GPD2: variants seen among roughly 807,000 people sequenced by gnomAD.
GPD2 encodes the protein glycerol-3-phosphate dehydrogenase 2.
GPD2 carries 54 observed loss-of-function variants against 82.4 expected under a neutral mutation model. The ratio of observed to expected loss-of-function variants is 0.66; its 90% CI spans 0.53 to 0.82. The LOEUF is 0.82. Ranked by LOEUF, GPD2 falls within the 40% of genes least tolerant of loss-of-function variation. The pLI is 0.00. For synonymous variants in GPD2, 288 were observed against 306.1 expected (o/e 0.94, Z 0.62); for missense variants, 748 against 896.2 (o/e 0.83, Z 2.11).
chr2:156,464,159 A>T (rs533326500), intron 1 of GPD2, among the ~76,000 whole-genome samples: 1 of 152,232 alleles, frequency 6.6e-6, no homozygotes, highest in South Asian at 2.1e-4. Flanking sequence ...TGGAGTGGGG[A>T]TGGAGCATTT....
intron 13 of GPD2, among the ~76,000 whole-genome samples, chr2:156,572,029 A>G (rs373431115): frequency 2.0e-5 from 3 of 152,096 alleles, no homozygotes; most frequent in African/African-American, 7.2e-5. Context: ...TTACTCAATA[A>G]ATTTGTTAAC....
At chr2:156,480,001 G>A (rs1683664803) in intron 2 of GPD2, among the ~76,000 whole-genome samples, 1 of 152,292 alleles carries the variant, frequency 6.6e-6, no homozygotes, top group East Asian at 1.9e-4. Flanking sequence ...CTGTGGTGGT[G>A]TGGAGATTTT....
intron 13 of GPD2, among the ~76,000 whole-genome samples, chr2:156,576,466 TAAA>T (rs34280846): frequency 0.27 from 39,799 of 149,444 alleles, 5,324 homozygotes; most frequent in South Asian, 0.32. Flanking sequence ...TAAGCTGTGA[TAAA>T]AAAAAAAAAA....
intron 15 of GPD2, 128 bp downstream of exon 15, chr2:156,579,292 G>T (rs1687940890): frequency 3.2e-6 from 2 of 634,376 alleles, no homozygotes; most frequent in African/African-American, 1.9e-5. Context: ...AGTAACATTA[G>T]TGAAAGCATA....
chr2:156,451,810 G>T (rs1303413463), intron 1 of GPD2, among the ~76,000 whole-genome samples: 7 of 151,720 alleles, frequency 4.6e-5, no homozygotes, highest in Non-Finnish European at 1.0e-4. Flanking sequence ...CTTCCCAGAC[G>T]GGGTGGCTGC....
chr2:156,419,049 CTTTTTTTTTTTTTTTT>C, the GPD2 span, among the ~76,000 whole-genome samples: 1 of 77,200 alleles, frequency 1.3e-5, no homozygotes, highest in African/African-American at 4.6e-5. Context: ...TTCTTTCCTT[CTTTTTTTTTTTTTTTT>C]TTTTTTTTTT....
chr2:156,562,649 A>G (rs1178630724), intron 9 of GPD2, among the ~76,000 whole-genome samples: 1 of 152,138 alleles, frequency 6.6e-6, no homozygotes, highest in East Asian at 1.9e-4. Flanking sequence ...CTTAATTGTC[A>G]CTTCCTGTGG....
At chr2:156,553,178 G>A (rs1686829193) in intron 8 of GPD2, among the ~76,000 whole-genome samples, 1 of 151,994 alleles carries the variant, frequency 6.6e-6, no homozygotes, top group African/African-American at 2.4e-5. Flanking sequence ...GTGAGCCACT[G>A]TGCCCGGCCC....
At chr2:156,506,234 A>G (rs963950711) in intron 3 of GPD2, among the ~76,000 whole-genome samples, 5 of 152,214 alleles carry the variant, frequency 3.3e-5, no homozygotes, top group African/African-American at 9.6e-5. Context: ...GCATTTTAAT[A>G]TATCAATTTA....
At chr2:156,482,943 A>T (rs1033487992) in intron 2 of GPD2, among the ~76,000 whole-genome samples, 2 of 152,168 alleles carry the variant, frequency 1.3e-5, no homozygotes, top group African/African-American at 4.8e-5. Flanking sequence ...TGATGCATGG[A>T]TAATTAAAAT....
the GPD2 span, among the ~76,000 whole-genome samples, chr2:156,417,005 C>T: frequency 6.6e-6 from 1 of 152,146 alleles, no homozygotes; most frequent in Non-Finnish European, 1.5e-5. Flanking sequence ...CTTGGCTTTA[C>T]TCAGGCACTT....
At chr2:156,438,515 A>G (rs1373991542) in intron 1 of GPD2, among the ~76,000 whole-genome samples, 1 of 152,176 alleles carries the variant, frequency 6.6e-6, no homozygotes, top group Non-Finnish European at 1.5e-5. Flanking sequence ...TGGGGAGAGG[A>G]GAGGCGAGTT....
chr2:156,452,597 GT>G (rs1230449324), intron 1 of GPD2, among the ~76,000 whole-genome samples: 2 of 152,184 alleles, frequency 1.3e-5, no homozygotes, highest in Admixed American at 1.3e-4. Flanking sequence ...CTTTCAAGAA[GT>G]TTCATTATGA....
intron 2 of GPD2, among the ~76,000 whole-genome samples, chr2:156,478,645 CG>C (rs916175626): frequency 2.0e-5 from 3 of 151,908 alleles, no homozygotes; most frequent in East Asian, 3.9e-4. Context: ...GCCATTCTAG[CG>C]GGGGGGAATT....
intron 1 of GPD2, among the ~76,000 whole-genome samples, chr2:156,466,049 G>A (rs951412374): frequency 6.6e-6 from 1 of 152,144 alleles, no homozygotes; most frequent in Admixed American, 6.5e-5. Flanking sequence ...CAAGGGGTTG[G>A]CATTTTTGTG....
At chr2:156,461,101 A>G (rs1027581038) in intron 1 of GPD2, among the ~76,000 whole-genome samples, 4 of 150,982 alleles carry the variant, frequency 2.6e-5, no homozygotes, top group East Asian at 2.0e-4. Flanking sequence ...GCCTGTGCCT[A>G]TAGGAGTAGT....
the GPD2 span, among the ~76,000 whole-genome samples, chr2:156,401,832 G>A: frequency 2.0e-5 from 3 of 152,100 alleles, no homozygotes; most frequent in Admixed American, 6.6e-5. Flanking sequence ...AAGTGAAATT[G>A]TGAATGATAC....
At chr2:156,543,487 ATCTCTGGT>A (rs1286915703) in intron 6 of GPD2, among the ~76,000 whole-genome samples, 1 of 152,208 alleles carries the variant, frequency 6.6e-6, no homozygotes, top group African/African-American at 2.4e-5. Flanking sequence ...TCCTAGCACA[ATCTCTGGT>A]ACATTACAAG....
chr2:156,408,987 A>C, the GPD2 span, among the ~76,000 whole-genome samples: 50 of 152,298 alleles, frequency 3.3e-4, no homozygotes, highest in African/African-American at 1.2e-3. Context: ...TGGTGTCCTT[A>C]TGAAAGGGAA....
Sources: gnomAD v4.1 joint callset for allele counts (sites outside exome capture counted in the v4.1 genomes callset) on GRCh38, gnomAD v4.1.1 for gene constraint, MANE v1.5 for transcripts, NCBI Gene and HGNC (gene_info 2026-07-23, HGNC 2026-07-21) for gene names.